The following SPTB variants were observed in gnomAD, a reference collection of about 807,000 sequenced individuals.
SPTB encodes the protein spectrin beta, erythrocytic.
SPTB carries 45 observed loss-of-function variants against 256.2 expected under a neutral mutation model. The ratio of observed to expected loss-of-function variants is 0.18; its 90% CI spans 0.14 to 0.23. SPTB has a LOEUF of 0.23. Ranked by LOEUF, SPTB falls within the 10% of genes least tolerant of loss-of-function variation. The probability of loss-of-function intolerance (pLI) is 1.00; values close to 1 mark genes in which losing one functional copy is unlikely to be tolerated. For synonymous variants in SPTB, 1,231 were observed against 1,243.1 expected (o/e 0.99, Z 0.21); for missense variants, 2,715 against 3,040.4 (o/e 0.89, Z 2.52).
In SPTB at chr14:64,748,523, C is replaced by G. The variant is rs1594728700; in HGVS notation, c.*783G>C. 6.6e-6 allele frequency: 1 copy of G among 152,382 alleles called. No individual in the cohort carries two copies. Among genetic ancestry groups the G allele is most frequent in the Non-Finnish European group, 1.5e-5 (1 of 68,164 alleles). 9.4% of individuals were successfully genotyped at this position (152,382 alleles called of 1,614,324 possible). A position where few individuals can be genotyped will look rare whatever the true frequency, so the allele number is the denominator to read the frequency against. On this transcript the variant is annotated 3_prime_UTR_variant, in exon 36 of 36. Transcript: ENST00000644917. ...ATGAGGAATGGTCTGACCTTGCTGC[C>G]CTTCCTGGGACCGCCTGTGGTGGCA... is the stretch of plus-strand genomic sequence containing the variant.
At chr14:64,863,668 C>T (rs763346) in intron 1 of SPTB, among the ~76,000 whole-genome samples, 123,208 of 152,184 alleles carry the variant, frequency 0.81, 51,361 homozygotes, top group Non-Finnish European at 0.91. Flanking sequence ...CATGTCATTG[C>T]TGTGCACATA....
Position 64,800,884 on chromosome 14 carries a change from G to T in SPTB, c.764-16C>A, listed in dbSNP as rs2082872087. 6.2e-7 allele frequency: 1 copy of T among 1,603,274 alleles called. No homozygotes were observed. Among genetic ancestry groups the T allele is most frequent in the Non-Finnish European group, 8.5e-7 (1 of 1,171,914 alleles). The stretch of plus-strand genomic sequence containing the variant: ...GTAAAGACATCTGTTAGGGAAAAGG[G>T]TGTACTCTCAGGACCAAACTGGAAG... On this transcript the variant is annotated splice_polypyrimidine_tract_variant and intron_variant, in intron 7 of 35. Coordinates refer to ENST00000644917, the MANE Select transcript of SPTB (RefSeq NM_001355436.2).
intron 2 of SPTB, among the ~76,000 whole-genome samples, chr14:64,822,401 CA>C (rs147315793): frequency 7.3e-6 from 1 of 136,522 alleles, no homozygotes; most frequent in African/African-American, 2.9e-5. Context: ...CACACACACA[CA>C]GAGAGATCTA....
At chr14:64,803,575 C>T in intron 4 of SPTB, 32 bp downstream of exon 4, 28 of 1,613,508 alleles carry the variant, frequency 1.7e-5, no homozygotes, top group Non-Finnish European at 2.2e-5. Flanking sequence ...CTTGAGGGCT[C>T]CCTCGACTTC....
chr14:64,772,894 C>T lies in SPTB; in HGVS notation c.5239G>A (p.Val1747Met), dbSNP rs2082299839. Residue 1747 changes from valine to methionine, a missense_variant, in exon 26 of 36, where the codon GTG (valine) becomes ATG (methionine). Transcript: ENST00000644917. The surrounding 1 kb of genome is among the most constrained non-coding windows in gnomAD (Gnocchi z 5.4). ...RETGAIGQER[V>M]DNVNAFIERL... ...TCGATGAAGGCATTCACATTGTCCACCCGCTCCTGCCCAATCGCCCCGGTC... is the reference window on the plus strand; with the variant it reads ...TCGATGAAGGCATTCACATTGTCCATCCGCTCCTGCCCAATCGCCCCGGTC... 1 of 1,605,780 alleles carries T rather than the reference C, an allele frequency of 6.2e-7. No individual in the cohort carries two copies. The highest frequency in any genetic ancestry group is 1.1e-5 in the South Asian group (1 of 90,874).
At chr14:64,770,366 G>A (rs2082259957) in intron 27 of SPTB, among the ~76,000 whole-genome samples, 1 of 152,208 alleles carries the variant, frequency 6.6e-6, no homozygotes, top group South Asian at 2.1e-4. Context: ...AGACACCTTA[G>A]GGGCAATAGG....
chr14:64,854,615 C>T (rs187678950), intron 1 of SPTB, among the ~76,000 whole-genome samples: 1 of 152,116 alleles, frequency 6.6e-6, no homozygotes, highest in Admixed American at 6.5e-5. Flanking sequence ...GCTCTGTCTC[C>T]ACTAGATGGT....
chr14:64,779,281 C>CA lies in SPTB; in HGVS notation c.4474-36dup, dbSNP rs772095611. 6.4e-7 allele frequency: 1 copy of CA among 1,567,750 alleles called. No individual in the cohort carries two copies. The highest frequency in any genetic ancestry group is 1.1e-5 in the South Asian group (1 of 88,496). ...CCAGGAGGCAGGAGAGAGCTGATGA[C>CA]AATCACGGCCAACCTTTCCTGAGTG... On this transcript the variant is annotated intron_variant, in intron 21 of 35. Transcript: ENST00000644917. This position sits in a 1 kb window ranked among gnomAD's most constrained non-coding sequence, Gnocchi z 4.2.
rs1484584490 is a variant in SPTB, at chr14:64,749,928, T to A, written c.6776+53A>T. 4 of 1,612,448 alleles carry A rather than the reference T, an allele frequency of 2.5e-6. No individual in the cohort carries two copies. The highest frequency in any genetic ancestry group is 3.4e-6 in the Non-Finnish European group (4 of 1,178,702). Reference sequence around the variant, plus strand: ...CTACAGAGGGCCTCTGCCCTGCCACTAATGCCAAATCAAGCCATCAACCCG... The same window carrying A: ...CTACAGAGGGCCTCTGCCCTGCCACAAATGCCAAATCAAGCCATCAACCCG... On this transcript the variant is annotated intron_variant, in intron 34 of 35. Coordinates refer to ENST00000644917, the MANE Select transcript of SPTB (RefSeq NM_001355436.2). The surrounding 1 kb of genome is among the most constrained non-coding windows in gnomAD (Gnocchi z 4.7).
At chr14:64,870,715 G>A (rs555495302) in intron 1 of SPTB, among the ~76,000 whole-genome samples, 1 of 152,248 alleles carries the variant, frequency 6.6e-6, no homozygotes, top group Non-Finnish European at 1.5e-5. Flanking sequence ...TATTAAAATT[G>A]CATGGACGGG....
In SPTB at chr14:64,779,244, A is replaced by G. The variant is rs1741487; in HGVS notation, c.4476T>C (p.Leu1492=). The G allele has an allele frequency of 0.26, 415,639 of 1,602,920 alleles. 61,885 individuals are homozygous for G. Among genetic ancestry groups the G allele is most frequent in the African/African-American group, 0.62 (46,336 of 74,492 alleles). ...CCAGAGGCAGCCTCTCCTCCACCCA[A>G]AGCTGCAGAGACCAGGAGGCAGGAG... ...QISRDLEDET[L]WVEERLPLAQ... is the part of the protein sequence containing the mutation. The change falls in exon 22 of 36, where the codon CTT becomes CTC. Residue 1492 remains leucine (L), a splice_region_variant and synonymous_variant. Coordinates refer to ENST00000644917, the MANE Select transcript of SPTB (RefSeq NM_001355436.2). This position sits in a 1 kb window ranked among gnomAD's most constrained non-coding sequence, Gnocchi z 4.2.
At chr14:64,787,324 C>A (rs2082590666) in intron 15 of SPTB, among the ~76,000 whole-genome samples, 164 bp from the exon 16 acceptor site, 1 of 152,012 alleles carries the variant, frequency 6.6e-6, no homozygotes, top group Non-Finnish European at 1.5e-5. Context: ...TGTAGGTGAG[C>A]AAAATTCACT....
chr14:64,757,354 A>G (rs2139442514), intron 32 of SPTB: 1 of 152,322 alleles, frequency 6.6e-6, no homozygotes, highest in Non-Finnish European at 1.5e-5. Flanking sequence ...CTGACTCCCA[A>G]CTTAATCCCA....
At chr14:64,879,374 CA>C (rs1339549439) in intron 1 of SPTB, among the ~76,000 whole-genome samples, 1 of 152,158 alleles carries the variant, frequency 6.6e-6, no homozygotes, top group African/African-American at 2.4e-5. Flanking sequence ...AGAAGCCGGA[CA>C]AAAAAAGGCA....
rs983343076 is a variant in SPTB at position 64,807,251 on chromosome 14, C to T, written c.149-2161G>A. 6.6e-6 allele frequency among the ~76,000 whole-genome samples: 1 copy of T among 152,200 alleles called. No homozygotes were observed. The highest frequency in any genetic ancestry group is 2.4e-5 in the African/African-American group (1 of 41,450). ...CCCAAAGTGAAAGTATTTCTTCCTC[C>T]TTTTCCTGTCTTTAAGAATGCAAAC... On this transcript the variant is annotated intron_variant, in intron 2 of 35. Coordinates refer to ENST00000644917, the MANE Select transcript of SPTB (RefSeq NM_001355436.2). This position sits in a 1 kb window ranked among gnomAD's most constrained non-coding sequence, Gnocchi z 4.7.
chr14:64,871,983 G>A (rs1204280979), intron 1 of SPTB, among the ~76,000 whole-genome samples: 1 of 152,050 alleles, frequency 6.6e-6, no homozygotes, highest in Non-Finnish European at 1.5e-5. Flanking sequence ...TAAACGTTGT[G>A]GGACTGATCT....
chr14:64,814,603 C>T (rs567565590), intron 2 of SPTB, among the ~76,000 whole-genome samples: 7 of 152,296 alleles, frequency 4.6e-5, no homozygotes, highest in Non-Finnish European at 8.8e-5. Context: ...GTAACCTTTG[C>T]CTCCTGGGTT....
chr14:64,765,356 C>G (rs1231893623), intron 32 of SPTB, among the ~76,000 whole-genome samples: 1 of 152,118 alleles, frequency 6.6e-6, no homozygotes, highest in Non-Finnish European at 1.5e-5. Flanking sequence ...GCTTTCTTCT[C>G]GGTCAGCTGC....
intron 1 of SPTB, among the ~76,000 whole-genome samples, chr14:64,835,943 C>T (rs1183567578): frequency 6.6e-6 from 1 of 152,176 alleles, no homozygotes; most frequent in Non-Finnish European, 1.5e-5. Flanking sequence ...CTCAGTTTCC[C>T]TACCTGTAAA....
Sources: gnomAD v4.1 joint callset for allele counts (sites outside exome capture counted in the v4.1 genomes callset) on GRCh38, gnomAD v4.1.1 for gene constraint, Gnocchi (gnomAD v3.1) non-coding constraint, MANE v1.5 for transcripts, NCBI Gene and HGNC (gene_info 2026-07-23, HGNC 2026-07-21) for gene names.